MACROD2: variants seen among roughly 807,000 people sequenced by gnomAD.
MACROD2 encodes the protein ADP-ribose glycohydrolase MACROD2.
Under a neutral mutation model 70.4 loss-of-function variants are expected in MACROD2, and 36 were observed. The ratio of observed to expected loss-of-function variants is 0.51; its 90% CI spans 0.39 to 0.68. The LOEUF (loss-of-function observed/expected upper bound fraction) is 0.68, where lower values mean the gene tolerates loss of function less well. Ranked by LOEUF, MACROD2 falls within the 30% of genes least tolerant of loss-of-function variation. MACROD2 has a pLI of 0.00. For synonymous variants in MACROD2, 172 were observed against 178.8 expected, an observed-to-expected ratio of 0.96 and a Z score of 0.30; for missense variants, 496 against 538.4, an observed-to-expected ratio of 0.92 and a Z score of 0.78.
intron 3 of MACROD2, among the ~76,000 whole-genome samples, chr20:14,300,757 G>C (rs1482391850): frequency 1.3e-5 from 2 of 152,166 alleles, no homozygotes; most frequent in Non-Finnish European, 2.9e-5. Context: ...TGAAGGACTT[G>C]CTTTTGATAT....
chr20:15,601,636 G>C (rs988758793), intron 8 of MACROD2, among the ~76,000 whole-genome samples: 4 of 152,134 alleles, frequency 2.6e-5, no homozygotes, highest in South Asian at 4.2e-4. Flanking sequence ...TGACTCGCCA[G>C]GTATCAATAA....
chr20:14,102,800 G>C (rs912114659), intron 3 of MACROD2, among the ~76,000 whole-genome samples: 3 of 152,064 alleles, frequency 2.0e-5, no homozygotes, highest in African/African-American at 7.2e-5. Flanking sequence ...TATAGGATGG[G>C]GATGGGAATA....
In MACROD2 at chr20:14,873,820, T is replaced by C. The variant is rs1170549408; in HGVS notation, c.418+188861T>C. Among the ~76,000 whole-genome samples the C allele has an allele frequency of 2.6e-5, 4 of 151,994 alleles. No homozygotes were observed. In the East Asian group the frequency reaches 7.7e-4, roughly 29 times the overall value. On this transcript the variant is annotated intron_variant, in intron 5 of 17. Coordinates refer to ENST00000684519, the MANE Select transcript of MACROD2 (RefSeq NM_001351661.2). ...GTTGCAGTGAGCTGAGACTGCGCCA[T>C]TGCACTCCAGCCTGGGCACCAAGAA...
intron 9 of MACROD2, among the ~76,000 whole-genome samples, chr20:15,879,337 T>A (rs1331245646): frequency 2.0e-5 from 3 of 152,076 alleles, no homozygotes; most frequent in Non-Finnish European, 4.4e-5. Flanking sequence ...CTTTTTTTAA[T>A]ATTTTTTTGT....
intron 8 of MACROD2, among the ~76,000 whole-genome samples, chr20:15,502,717 G>A (rs1204938241): frequency 6.6e-6 from 1 of 152,166 alleles, no homozygotes; most frequent in Non-Finnish European, 1.5e-5. Context: ...CTTTGATGAT[G>A]CAGCCAATAG....
intron 8 of MACROD2, among the ~76,000 whole-genome samples, chr20:15,740,226 G>A (rs2051083527): frequency 6.6e-6 from 1 of 152,196 alleles, no homozygotes; most frequent in African/African-American, 2.4e-5. Context: ...CCAAAAGTCA[G>A]TCACATGCCT....
chr20:14,176,540 A>T (rs2148727839), intron 3 of MACROD2, among the ~76,000 whole-genome samples: 1 of 152,230 alleles, frequency 6.6e-6, no homozygotes, highest in East Asian at 1.9e-4. Flanking sequence ...AACTCCTGTC[A>T]TTTGGAGTTT....
chr20:14,269,593 A>G (rs1256488334), intron 3 of MACROD2, among the ~76,000 whole-genome samples: 5 of 152,154 alleles, frequency 3.3e-5, no homozygotes, highest in Admixed American at 1.3e-4. Context: ...GTCTTTTGTT[A>G]TATTTGATTT....
At chr20:15,515,426 TACTC>T (rs1449133015) in intron 8 of MACROD2, among the ~76,000 whole-genome samples, 1 of 152,334 alleles carries the variant, frequency 6.6e-6, no homozygotes, top group Admixed American at 6.5e-5. Flanking sequence ...AATCTGTACT[TACTC>T]CTGTTATCTC....
intron 5 of MACROD2, among the ~76,000 whole-genome samples, chr20:14,895,766 A>G (rs1468503942): frequency 6.6e-6 from 1 of 152,094 alleles, no homozygotes; most frequent in African/African-American, 2.4e-5. Flanking sequence ...GTGGGTAGTG[A>G]TTAACTTATT....
chr20:14,969,346 C>G (rs1227259557), intron 5 of MACROD2, among the ~76,000 whole-genome samples: 2 of 137,174 alleles, frequency 1.5e-5, no homozygotes, highest in Admixed American at 7.7e-5. Flanking sequence ...AATTTAAAAG[C>G]TATATAAATG....
intron 8 of MACROD2, among the ~76,000 whole-genome samples, chr20:15,798,579 G>T (rs2063696459): frequency 6.6e-6 from 1 of 152,182 alleles, no homozygotes; most frequent in Non-Finnish European, 1.5e-5. Context: ...TTCAAAGGGA[G>T]AATTAAACTT....
chr20:14,166,131 T>C (rs2055265721), intron 3 of MACROD2, among the ~76,000 whole-genome samples: 1 of 152,206 alleles, frequency 6.6e-6, no homozygotes, highest in Non-Finnish European at 1.5e-5. Context: ...TTCACACAGA[T>C]TGTCCCTTGA....
At chr20:15,013,852 C>T (rs143754459) in intron 5 of MACROD2, among the ~76,000 whole-genome samples, 1 of 152,250 alleles carries the variant, frequency 6.6e-6, no homozygotes, top group East Asian at 1.9e-4. Flanking sequence ...AGCTTAGTGA[C>T]TGAAATGAAG....
intron 8 of MACROD2, among the ~76,000 whole-genome samples, chr20:15,555,132 G>A (rs1377856914): frequency 2.0e-5 from 3 of 152,152 alleles, no homozygotes; most frequent in South Asian, 2.1e-4. Context: ...TGTGTGAAGG[G>A]GATCCCAGTG....
chr20:14,903,122 A>G (rs1340915553), intron 5 of MACROD2, among the ~76,000 whole-genome samples: 1 of 144,882 alleles, frequency 6.9e-6, no homozygotes, highest in Non-Finnish European at 1.5e-5. Flanking sequence ...GCTCACTGCA[A>G]CCTGTGTCTC....
rs144376986 is a variant in MACROD2, at chr20:14,715,373, A to G, written c.418+30414A>G. Among the ~76,000 whole-genome samples the G allele has an allele frequency of 3.5e-4, 53 of 152,332 alleles. 1 individual carries two copies. In the Middle Eastern group the frequency reaches 0.037, roughly 108 times the overall value. On this transcript the variant is annotated intron_variant, in intron 5 of 17. Transcript: ENST00000684519. ...TGGGGACACAGCCAAACCATATCAG[A>G]TGTTATAAAAATTTCTATATTTGAA... is the stretch of plus-strand genomic sequence containing the variant.
intron 13 of MACROD2, among the ~76,000 whole-genome samples, chr20:15,969,349 A>G (rs2066195084): frequency 6.6e-6 from 1 of 152,218 alleles, no homozygotes; most frequent in Admixed American, 6.5e-5. Flanking sequence ...AAAAGGTAAC[A>G]TGAAAAACAA....
intron 7 of MACROD2, among the ~76,000 whole-genome samples, chr20:15,445,384 C>T (rs528177564): frequency 9.9e-5 from 15 of 152,202 alleles, no homozygotes; most frequent in African/African-American, 2.9e-4. Flanking sequence ...TCCAAGCTCC[C>T]TAAAATCTAA....
Sources: gnomAD v4.1 joint callset for allele counts (sites outside exome capture counted in the v4.1 genomes callset) on GRCh38, gnomAD v4.1.1 for gene constraint, MANE v1.5 for transcripts, NCBI Gene and HGNC (gene_info 2026-07-23, HGNC 2026-07-21) for gene names.